ZNF680: variants seen among roughly 807,000 people sequenced by gnomAD.
ZNF680 encodes the protein zinc finger protein 680, also known as hypothetical protein FLJ90430.
A neutral mutation model predicts 12.1 loss-of-function variants in ZNF680; 6 were observed. The observed-to-expected ratio is 0.49, with a 90% CI of 0.27 to 0.98. The LOEUF is 0.98. ZNF680 is among the 50% of genes least tolerant of loss of function. The pLI is 0.12. For synonymous variants in ZNF680, 170 were observed against 199.3 expected, an observed-to-expected ratio of 0.85 and a Z score of 1.24; for missense variants, 561 against 616.3, an observed-to-expected ratio of 0.91 and a Z score of 0.95.
chr7:64,540,719 T>TA (rs1339984955), intron 3 of ZNF680, among the ~76,000 whole-genome samples: 1 of 152,092 alleles, frequency 6.6e-6, no homozygotes, highest in Non-Finnish European at 1.5e-5. Flanking sequence ...AAAAGTACAC[T>TA]AAATAAAACA....
chr7:64,560,347 CA>C (rs1238029992), intron 1 of ZNF680, among the ~76,000 whole-genome samples: 1 of 152,118 alleles, frequency 6.6e-6, no homozygotes, highest in African/African-American at 2.4e-5. Context: ...TTCCTGACCT[CA>C]GGTGATCCAC....
intron 3 of ZNF680, among the ~76,000 whole-genome samples, chr7:64,532,079 G>A (rs938779751): frequency 6.6e-6 from 1 of 152,206 alleles, no homozygotes; most frequent in Non-Finnish European, 1.5e-5. Context: ...GCCCAGGGGG[G>A]CAGATTACAA....
the ZNF680 span, among the ~76,000 whole-genome samples, chr7:64,508,798 C>T: frequency 6.6e-6 from 1 of 152,192 alleles, no homozygotes; most frequent in East Asian, 1.9e-4. Flanking sequence ...ATTATGCCTC[C>T]TATCCCTTCT....
chr7:64,527,569 C>T (rs1222611416), intron 3 of ZNF680, among the ~76,000 whole-genome samples: 1 of 151,942 alleles, frequency 6.6e-6, no homozygotes, highest in Non-Finnish European at 1.5e-5. Context: ...GTGGCACAGG[C>T]CTATAATCCC....
the ZNF680 span, among the ~76,000 whole-genome samples, chr7:64,508,203 C>A: frequency 7.1e-6 from 1 of 141,714 alleles, no homozygotes; most frequent in Non-Finnish European, 1.5e-5. Context: ...GGAGTGCAGT[C>A]GTGCAATCTC....
the ZNF680 span, among the ~76,000 whole-genome samples, chr7:64,500,370 G>A: frequency 6.6e-6 from 1 of 152,012 alleles, no homozygotes; most frequent in Non-Finnish European, 1.5e-5. Context: ...AATATCTAAG[G>A]TATGGAAGCA....
intron 2 of ZNF680, 95 bp downstream of exon 2, chr7:64,544,211 A>G (rs1239453401): frequency 4.7e-6 from 7 of 1,493,822 alleles, no homozygotes; most frequent in Non-Finnish European, 6.3e-6. Context: ...TCTGAAACTC[A>G]TTTATGCAAA....
At chr7:64,508,845 GAT>G in the ZNF680 span, among the ~76,000 whole-genome samples, 2 of 152,134 alleles carry the variant, frequency 1.3e-5, no homozygotes, top group Non-Finnish European at 2.9e-5. Context: ...GCAACCTAAA[GAT>G]ATAATCTTGT....
chr7:64,560,847 C>T (rs1321723897), intron 1 of ZNF680: 1 of 151,786 alleles, frequency 6.6e-6, no homozygotes, highest in Admixed American at 6.6e-5. Context: ...AAAAAACTAC[C>T]TGTGACAATT....
rs1554331426 is a variant in ZNF680 at position 64,544,442 on chromosome 7, AC to A, written c.31-11del. ...TAAATGTCAGTGGTCCCTGAAAAAC[AC>A]ACACACACACACACACACACACACA... On this transcript the variant is annotated splice_polypyrimidine_tract_variant and intron_variant, in intron 1 of 3. Transcript: ENST00000309683. The A allele has an allele frequency of 4.9e-5, 15 of 304,896 alleles. 1 individual carries two copies. Among genetic ancestry groups the A allele is most frequent in the South Asian group, 2.1e-4 (6 of 28,928 alleles). 18.9% of individuals were successfully genotyped at this position (304,896 alleles called of 1,614,324 possible).
At chr7:64,554,143 C>T (rs1443102854) in intron 1 of ZNF680, among the ~76,000 whole-genome samples, 2 of 151,456 alleles carry the variant, frequency 1.3e-5, no homozygotes, top group Non-Finnish European at 2.9e-5. Context: ...AAGTGAGGAG[C>T]GTCTCTGCCC....
At position 64,558,133 on chromosome 7, in the gene ZNF680, G is replaced by A. The variant is rs575212875; in HGVS notation, c.30+4792C>T. On this transcript the variant is annotated intron_variant, in intron 1 of 3. Transcript: ENST00000309683. ...ACTTGTTTATTTCTGTGTCCGGGCAGGCAGATGAGATTATGAACAGGTGGT... is the reference window on the plus strand; with the variant it reads ...ACTTGTTTATTTCTGTGTCCGGGCAAGCAGATGAGATTATGAACAGGTGGT... Among the ~76,000 whole-genome samples, 3 of 152,340 alleles carry A rather than the reference G, an allele frequency of 2.0e-5. No individual in the cohort carries two copies. The East Asian group carries it at 5.8e-4, about 29-fold the overall frequency.
At chr7:64,501,614 GGAT>G in the ZNF680 span, 1 of 802,596 alleles carries the variant, frequency 1.2e-6, no homozygotes, top group Non-Finnish European at 2.2e-6. Flanking sequence ...GGGATCTACT[GGAT>G]GATGATGATA....
the ZNF680 span, among the ~76,000 whole-genome samples, chr7:64,513,153 T>C: frequency 1.3e-5 from 2 of 152,088 alleles, no homozygotes; most frequent in African/African-American, 4.8e-5. Flanking sequence ...CTAAAACAAT[T>C]TACCAGGTTT....
Position 64,543,747 on chromosome 7 carries a change from G to A in ZNF680, c.213C>T (p.Pro71=). The A allele has an allele frequency of 2.5e-6, 4 of 1,613,550 alleles. No homozygotes were observed. In the South Asian group the frequency reaches 4.4e-5, roughly 18 times the overall value. ...LITCLEQGKE[P]WNRKRQEMVA... ...CCATCTCCTGTCTCTTCCTATTCCA[G>A]GGCTCTTTTCCTTGCTCCAAACAGG... The change falls in exon 3 of 4, where the codon CCC becomes CCT. Residue 71 remains proline (P), a synonymous_variant. Coordinates refer to ENST00000309683, the MANE Select transcript of ZNF680 (RefSeq NM_178558.5).
chr7:64,527,723 T>C (rs1256905663), intron 3 of ZNF680, among the ~76,000 whole-genome samples: 2 of 151,226 alleles, frequency 1.3e-5, no homozygotes, highest in African/African-American at 4.9e-5. Flanking sequence ...ATCCCAGGAC[T>C]TTGAGAAGCC....
intron 3 of ZNF680, among the ~76,000 whole-genome samples, chr7:64,533,972 A>G (rs1486341633): frequency 6.6e-6 from 1 of 152,222 alleles, no homozygotes; most frequent in African/African-American, 2.4e-5. Flanking sequence ...ATGTAGGAGA[A>G]TAAAACTGGA....
chr7:64,549,135 A>G (rs1290315302), intron 1 of ZNF680, among the ~76,000 whole-genome samples: 1 of 151,948 alleles, frequency 6.6e-6, no homozygotes, highest in Non-Finnish European at 1.5e-5. Context: ...AAGAAAAAAA[A>G]AAAAAAAACA....
intron 1 of ZNF680, among the ~76,000 whole-genome samples, chr7:64,545,432 ATACT>A (rs1786740465): frequency 6.6e-6 from 1 of 152,284 alleles, no homozygotes; most frequent in South Asian, 2.1e-4. Context: ...CTGCATAAAG[ATACT>A]TACTAATGAA....
Sources: allele counts gnomAD v4.1 joint callset (sites outside exome capture counted in the v4.1 genomes callset), GRCh38; gene constraint gnomAD v4.1.1; transcripts MANE v1.5; gene names NCBI Gene and HGNC (gene_info 2026-07-23, HGNC 2026-07-21).